Variants in PRKG1 observed in about 807,000 individuals in gnomAD.
The protein encoded by PRKG1 is cGMP-dependent protein kinase 1.
PRKG1 carries 35 observed loss-of-function variants against 88.1 expected under a neutral mutation model. That is an observed-to-expected ratio of 0.40 (90% CI 0.30 to 0.53). The LOEUF is 0.53. PRKG1 is among the 20% of genes least tolerant of loss of function. The pLI is 0.59. For synonymous variants in PRKG1, 303 were observed against 292.5 expected (o/e 1.04, Z -0.37); for missense variants, 540 against 839.8 (o/e 0.64, Z 4.41).
chr10:51,308,573 G>T lies in PRKG1; in HGVS notation c.478+155243G>T, dbSNP rs531098171. ...TTTTCCTGAGCAAGGTAATAGCAGG[G>T]CTATTACATTAGCCTTCTCACTGGT... is the stretch of plus-strand genomic sequence containing the variant. On this transcript the variant is annotated intron_variant, in intron 2 of 17. Coordinates refer to ENST00000373980, the MANE Select transcript of PRKG1 (RefSeq NM_006258.4). 8.5e-5 allele frequency among the ~76,000 whole-genome samples: 13 copies of T among 152,138 alleles called. No individual in the cohort carries two copies. In the South Asian group the frequency reaches 2.5e-3, roughly 29 times the overall value.
intron 3 of PRKG1, among the ~76,000 whole-genome samples, chr10:51,593,414 C>G (rs1205656514): frequency 6.6e-6 from 1 of 152,164 alleles, no homozygotes; most frequent in Non-Finnish European, 1.5e-5. Context: ...GTTCCAGCAA[C>G]TGGTTTACCT....
intron 3 of PRKG1, among the ~76,000 whole-genome samples, chr10:51,779,656 C>T (rs1314918354): frequency 6.6e-6 from 1 of 152,108 alleles, no homozygotes; most frequent in Non-Finnish European, 1.5e-5. Context: ...AAGACCCTAA[C>T]TCCTGGACCA....
At chr10:51,558,357 A>G (rs192370094) in intron 3 of PRKG1, among the ~76,000 whole-genome samples, 1,853 of 152,236 alleles carry the variant, frequency 0.012, 18 homozygotes, top group Admixed American at 0.018. Context: ...ATTAAGTCAC[A>G]AATGTGCTAT....
intron 1 of PRKG1, among the ~76,000 whole-genome samples, chr10:51,080,786 G>A (rs10995567): frequency 0.085 from 12,924 of 152,182 alleles, 1,770 homozygotes; most frequent in African/African-American, 0.29. Context: ...CTCACACTCA[G>A]TTCTGACACC....
chr10:51,331,775 T>C (rs1588848626), intron 2 of PRKG1, among the ~76,000 whole-genome samples: 1 of 152,336 alleles, frequency 6.6e-6, no homozygotes, highest in East Asian at 1.9e-4. Context: ...CACTCCATCA[T>C]CTTTCTCTGC....
chr10:51,735,863 A>ATG (rs1837254531), intron 3 of PRKG1, among the ~76,000 whole-genome samples: 1 of 90,214 alleles, frequency 1.1e-5, no homozygotes, highest in African/African-American at 4.9e-5. Flanking sequence ...GCATATATAT[A>ATG]TATATATATA....
At position 51,611,864 on chromosome 10, in the gene PRKG1, G is replaced by T. The variant is rs1232703454; in HGVS notation, c.592+144028G>T. Among the ~76,000 whole-genome samples, 13 of 152,098 alleles carry T rather than the reference G, an allele frequency of 8.5e-5. 1 individual carries two copies. The highest frequency in any genetic ancestry group is 8.5e-4 in the Admixed American group (13 of 15,266). ...TCATTCTTCTGCATATGGTTAACCA[G>T]TTTTCCTAGCACCATTTATTAAAAA... On this transcript the variant is annotated intron_variant, in intron 3 of 17. Coordinates refer to ENST00000373980, the MANE Select transcript of PRKG1 (RefSeq NM_006258.4).
chr10:51,579,410 C>T (rs1230633624), intron 3 of PRKG1, among the ~76,000 whole-genome samples: 2 of 152,098 alleles, frequency 1.3e-5, no homozygotes, highest in Admixed American at 1.3e-4. Flanking sequence ...TTAATTATCT[C>T]TCACTATGAA....
intron 8 of PRKG1, among the ~76,000 whole-genome samples, chr10:52,152,189 A>G (rs1837946767): frequency 6.6e-6 from 1 of 152,176 alleles, no homozygotes; most frequent in Non-Finnish European, 1.5e-5. Flanking sequence ...GGGCACATAC[A>G]TATACCCAAA....
intron 3 of PRKG1, among the ~76,000 whole-genome samples, chr10:51,623,336 G>C (rs575488805): frequency 6.6e-6 from 1 of 152,170 alleles, no homozygotes; most frequent in African/African-American, 2.4e-5. Context: ...AAGTAGCTGG[G>C]ACCACAGGCA....
intron 7 of PRKG1, among the ~76,000 whole-genome samples, chr10:52,083,554 A>G (rs7090393): frequency 0.34 from 50,962 of 151,932 alleles, 9,385 homozygotes; most frequent in Non-Finnish European, 0.42. Flanking sequence ...ATTCATATTT[A>G]CATGTTTAAT....
chr10:51,286,049 C>A lies in PRKG1; in HGVS notation c.478+132719C>A, dbSNP rs369894022. Among the ~76,000 whole-genome samples, 11 of 152,256 alleles carry A rather than the reference C, an allele frequency of 7.2e-5. No homozygotes were observed. In the South Asian group the frequency reaches 2.1e-3, roughly 29 times the overall value. On this transcript the variant is annotated intron_variant, in intron 2 of 17. Transcript: ENST00000373980. ...GCAGTGGTGCAATCTTGGCTCACTG[C>A]AACCTCTGCCTCCCAGTTTCAAGCA...
chr10:51,286,912 T>A (rs1223346844), intron 2 of PRKG1, among the ~76,000 whole-genome samples: 1 of 152,224 alleles, frequency 6.6e-6, no homozygotes, highest in Non-Finnish European at 1.5e-5. Context: ...GGTCTCACTC[T>A]GTCGCCCAGG....
At chr10:51,333,659 G>A (rs186843161) in intron 2 of PRKG1, among the ~76,000 whole-genome samples, 20 of 152,226 alleles carry the variant, frequency 1.3e-4, no homozygotes, top group Admixed American at 8.5e-4. Flanking sequence ...TTTTTTCTGG[G>A]TTTCTAAAGG....
rs73341658 is a variant in PRKG1, at chr10:51,594,850, A to G, written c.592+127014A>G. 9.6e-3 allele frequency among the ~76,000 whole-genome samples: 1,464 copies of G among 152,312 alleles called. 31 individuals are homozygous for G. The highest frequency in any genetic ancestry group is 0.033 in the African/African-American group (1,362 of 41,554). Reference sequence around the variant, plus strand: ...ACATTGTTTGTCTTAGACTTTAGTAACTACAGGACTGCCTTGGTCTCTTGC... The same window carrying G: ...ACATTGTTTGTCTTAGACTTTAGTAGCTACAGGACTGCCTTGGTCTCTTGC... On this transcript the variant is annotated intron_variant, in intron 3 of 17. Coordinates refer to ENST00000373980, the MANE Select transcript of PRKG1 (RefSeq NM_006258.4).
intron 12 of PRKG1, among the ~76,000 whole-genome samples, chr10:52,277,059 C>T (rs1377029311): frequency 2.6e-5 from 4 of 152,124 alleles, no homozygotes; most frequent in Non-Finnish European, 4.4e-5. Context: ...ATTTCTAAAA[C>T]CCTCCACATT....
chr10:51,676,687 C>T (rs1840719662), intron 3 of PRKG1, among the ~76,000 whole-genome samples: 1 of 152,124 alleles, frequency 6.6e-6, no homozygotes, highest in Non-Finnish European at 1.5e-5. Context: ...TATTTGTTTT[C>T]TGCTTCACAT....
Position 51,896,645 on chromosome 10 carries a change from T to TAAAA in PRKG1, c.699-10840_699-10837dup, listed in dbSNP as rs10649150. Among the ~76,000 whole-genome samples the TAAAA allele has an allele frequency of 6.1e-3, 575 of 94,814 alleles. 5 individuals carry two copies. Among genetic ancestry groups the TAAAA allele is most frequent in the African/African-American group, 0.012 (281 of 23,040 alleles). 62.2% of individuals were successfully genotyped at this position (94,814 alleles called of 152,430 possible). On this transcript the variant is annotated intron_variant, in intron 4 of 17. Transcript: ENST00000373980. ...GGTGACAGAGCGAGACCCTGTCTCT[T>TAAAA]AAAAAAAAAAAAAAAAAAAAAAAAA...
chr10:51,562,940 T>TTA (rs4041283), intron 3 of PRKG1, among the ~76,000 whole-genome samples: 3 of 99,854 alleles, frequency 3.0e-5, no homozygotes, highest in Non-Finnish European at 6.0e-5. Context: ...AGCTATTTTT[T>TTA]TTATTATTTT....
Sources: gnomAD v4.1 joint callset for allele counts (sites outside exome capture counted in the v4.1 genomes callset) on GRCh38, gnomAD v4.1.1 for gene constraint, MANE v1.5 for transcripts, NCBI Gene and HGNC (gene_info 2026-07-23, HGNC 2026-07-21) for gene names.